Variants in CSGALNACT1 observed in about 807,000 individuals in gnomAD.
CSGALNACT1 encodes chondroitin sulfate N-acetylgalactosaminyltransferase 1, also known as beta4GalNAcT-1.
CSGALNACT1 carries 52 observed loss-of-function variants against 51.0 expected under a neutral mutation model. The ratio of observed to expected loss-of-function variants is 1.02; its 90% CI spans 0.82 to 1.29. The LOEUF is 1.29. Ranked by LOEUF, CSGALNACT1 falls within the 50% of genes most tolerant of loss-of-function variation. The probability of loss-of-function intolerance (pLI) is 0.00; values close to 1 mark genes in which losing one functional copy is unlikely to be tolerated. For missense variants in CSGALNACT1, 935 were observed against 679.2 expected, an observed-to-expected ratio of 1.38 and a Z score of -4.19; for synonymous variants, 341 against 254.4, an observed-to-expected ratio of 1.34 and a Z score of -3.24.
chr8:19,539,534 A>G (rs1329888340), intron 3 of CSGALNACT1, among the ~76,000 whole-genome samples: 3 of 152,188 alleles, frequency 2.0e-5, no homozygotes, highest in Non-Finnish European at 4.4e-5. Context: ...GGCTTCTCTG[A>G]AAGTCATGAA....
intron 3 of CSGALNACT1, among the ~76,000 whole-genome samples, chr8:19,562,497 A>AC (rs1358805707): frequency 5.3e-5 from 8 of 151,992 alleles, no homozygotes; most frequent in Non-Finnish European, 2.9e-5. Flanking sequence ...AAAAAAAAAA[A>AC]ACTACCATCA....
intron 3 of CSGALNACT1, among the ~76,000 whole-genome samples, chr8:19,567,324 G>A (rs913037745): frequency 1.3e-5 from 2 of 152,172 alleles, no homozygotes; most frequent in African/African-American, 2.4e-5. Flanking sequence ...AGAGTAGAAG[G>A]ATCAGCCTAG....
intron 3 of CSGALNACT1, among the ~76,000 whole-genome samples, chr8:19,564,602 A>G (rs1265373830): frequency 6.6e-6 from 1 of 152,030 alleles, no homozygotes; most frequent in Non-Finnish European, 1.5e-5. Flanking sequence ...GAGCGGCCCT[A>G]TATGCTTATG....
At chr8:19,657,142 C>T (rs1192299287) in intron 1 of CSGALNACT1, among the ~76,000 whole-genome samples, 1 of 148,850 alleles carries the variant, frequency 6.7e-6, no homozygotes, top group Non-Finnish European at 1.5e-5. Context: ...TTTTTTATTA[C>T]TAAACTAGAC....
chr8:19,502,474 T>C (rs1365735090), intron 4 of CSGALNACT1, among the ~76,000 whole-genome samples: 1 of 152,240 alleles, frequency 6.6e-6, no homozygotes, highest in Non-Finnish European at 1.5e-5. Context: ...TCTGCAAGCA[T>C]GCCTTGAACT....
chr8:19,405,575 C>CA (rs2053974074), exon 10 of CSGALNACT1: 1 of 722,824 alleles, frequency 1.4e-6, no homozygotes, highest in African/African-American at 1.7e-5. Flanking sequence ...TCACAGGGTG[C>CA]AACTGGGTTA....
At chr8:19,675,248 G>A (rs1478672799) in intron 1 of CSGALNACT1, among the ~76,000 whole-genome samples, 1 of 152,114 alleles carries the variant, frequency 6.6e-6, no homozygotes, top group Non-Finnish European at 1.5e-5. Context: ...ACAAAATCAG[G>A]CAGGATGTAG....
chr8:19,599,775 T>G (rs533602993), intron 2 of CSGALNACT1, among the ~76,000 whole-genome samples: 1 of 152,208 alleles, frequency 6.6e-6, no homozygotes, highest in African/African-American at 2.4e-5. Context: ...CTTACTTTTA[T>G]AGACTCAGGG....
intron 1 of CSGALNACT1, among the ~76,000 whole-genome samples, chr8:19,679,401 G>T (rs2060431325): frequency 1.3e-5 from 2 of 152,086 alleles, no homozygotes; most frequent in Non-Finnish European, 1.5e-5. Flanking sequence ...AGGCTGCAAT[G>T]AGCCATGATC....
intron 4 of CSGALNACT1, among the ~76,000 whole-genome samples, chr8:19,487,713 G>C (rs910908514): frequency 2.6e-5 from 4 of 151,980 alleles, no homozygotes; most frequent in Non-Finnish European, 5.9e-5. Flanking sequence ...CACAAAAAAG[G>C]GTGTTTCCAT....
chr8:19,657,434 C>T (rs1381069623), intron 1 of CSGALNACT1, among the ~76,000 whole-genome samples: 1 of 152,114 alleles, frequency 6.6e-6, no homozygotes, highest in African/African-American at 2.4e-5. Flanking sequence ...TGACAAAAAA[C>T]ATCAATCTAA....
chr8:19,428,988 C>T (rs2059243922), intron 6 of CSGALNACT1, among the ~76,000 whole-genome samples: 1 of 151,782 alleles, frequency 6.6e-6, no homozygotes, highest in Admixed American at 6.6e-5. Context: ...TGCTGTAAAC[C>T]GTCACCTCTT....
chr8:19,451,037 C>T (rs1296379431), intron 5 of CSGALNACT1, among the ~76,000 whole-genome samples: 1 of 152,178 alleles, frequency 6.6e-6, no homozygotes. Context: ...TTTATTCTTA[C>T]TCAGAGATAA....
intron 4 of CSGALNACT1, among the ~76,000 whole-genome samples, chr8:19,462,199 A>T (rs1035275749): frequency 6.6e-6 from 1 of 152,242 alleles, no homozygotes; most frequent in Non-Finnish European, 1.5e-5. Flanking sequence ...TGCACAACTG[A>T]AACAGGTCTC....
At chr8:19,672,403 G>T (rs750125049) in intron 1 of CSGALNACT1, among the ~76,000 whole-genome samples, 1 of 152,160 alleles carries the variant, frequency 6.6e-6, no homozygotes. Context: ...GGAGATGCCT[G>T]GCAATGTTTC....
intron 4 of CSGALNACT1, among the ~76,000 whole-genome samples, chr8:19,468,349 G>A (rs2067214545): frequency 6.6e-6 from 1 of 152,192 alleles, no homozygotes; most frequent in African/African-American, 2.4e-5. Context: ...GACACGAATG[G>A]GGGGATGGGA....
chr8:19,458,530 C>T, exon 5 of CSGALNACT1: 1 of 1,614,158 alleles, frequency 6.2e-7, no homozygotes, highest in Non-Finnish European at 8.5e-7. Flanking sequence ...TTTTCACTTT[C>T]ATGATGGGGC....
chr8:19,522,281 C>G (rs1563882026), intron 3 of CSGALNACT1, among the ~76,000 whole-genome samples: 1 of 152,076 alleles, frequency 6.6e-6, no homozygotes, highest in African/African-American at 2.4e-5. Flanking sequence ...TACACAGGTA[C>G]AGAGCTGGTA....
intron 1 of CSGALNACT1, among the ~76,000 whole-genome samples, chr8:19,636,390 A>C (rs376289646): frequency 6.6e-6 from 1 of 152,176 alleles, no homozygotes; most frequent in African/African-American, 2.4e-5. Flanking sequence ...ATCCAATGAG[A>C]ATCTGGGAGC....
Sources: gnomAD v4.1 joint callset for allele counts (sites outside exome capture counted in the v4.1 genomes callset) on GRCh38, gnomAD v4.1.1 for gene constraint, MANE v1.5 for transcripts, NCBI Gene and HGNC (gene_info 2026-07-23, HGNC 2026-07-21) for gene names.